MYO1F: variants seen among roughly 807,000 people sequenced by gnomAD.
The protein encoded by MYO1F is myosin IF, also known as unconventional myosin-If.
MYO1F carries 60 observed loss-of-function variants against 146.6 expected under a neutral mutation model. The observed-to-expected ratio is 0.41, with a 90% confidence interval of 0.33 to 0.51. The LOEUF is 0.51. Among genes scored for constraint, MYO1F ranks in the 20% least tolerant of loss-of-function variants. The pLI is 0.25. For missense variants in MYO1F, 1,274 were observed against 1,534.3 expected (o/e 0.83, Z 2.83); for synonymous variants, 602 against 602.1 (o/e 1.00, Z 0.00).
chr19:8,555,506 C>G, intron 2 of MYO1F, 153 bp downstream of exon 2: 1 of 1,051,408 alleles, frequency 9.5e-7, no homozygotes, highest in Non-Finnish European at 1.4e-6. Flanking sequence ...TGCCCCCAAC[C>G]AGAGCCCTGC....
intron 15 of MYO1F, among the ~76,000 whole-genome samples, chr19:8,541,554 G>A (rs1409420051): frequency 6.7e-6 from 1 of 150,266 alleles, no homozygotes; most frequent in East Asian, 2.0e-4. Context: ...TCCACCTCCT[G>A]AGTAGCTGGA....
At chr19:8,575,264 A>G (rs1283000145) in intron 1 of MYO1F, among the ~76,000 whole-genome samples, 3 of 150,662 alleles carry the variant, frequency 2.0e-5, no homozygotes, top group African/African-American at 7.3e-5. Context: ...TTTAGGAGAG[A>G]CGGGGTCTCA....
chr19:8,536,441 G>C, intron 18 of MYO1F, 45 bp from the exon 19 acceptor site: 3 of 1,608,678 alleles, frequency 1.9e-6, no homozygotes, highest in Non-Finnish European at 2.5e-6. Context: ...TAGCAGACAG[G>C]CCTGGCTGGG....
rs1973317013 is a variant in MYO1F, at chr19:8,545,680, CTTG to C, written c.1323_1325del (p.Asn441del). On this transcript the variant is annotated inframe_deletion, in exon 13 of 28. Coordinates refer to ENST00000644032, the MANE Select transcript of MYO1F (RefSeq NM_012335.4). ...TGTTTTCGATGAGGTCACAGACGACCTTGTTGTTGAAGTACTGGATTGGAGTCC... is the reference window on the plus strand; with the variant it reads ...TGTTTTCGATGAGGTCACAGACGACCTTGTTGAAGTACTGGATTGGAGTCC... The C allele has an allele frequency of 1.2e-6, 2 of 1,614,090 alleles. No individual in the cohort carries two copies. The highest frequency in any genetic ancestry group is 8.5e-7 in the Non-Finnish European group (1 of 1,180,002).
chr19:8,551,354 T>C, intron 8 of MYO1F: 6 of 147,258 alleles, frequency 4.1e-5, no homozygotes, highest in Non-Finnish European at 4.0e-5. Flanking sequence ...GCCTGGCCTT[T>C]TTTTTTTTTT....
chr19:8,526,224 G>A (rs1160847253), intron 24 of MYO1F, among the ~76,000 whole-genome samples: 1 of 152,234 alleles, frequency 6.6e-6, no homozygotes, highest in Non-Finnish European at 1.5e-5. Flanking sequence ...CTACTCGGGA[G>A]GCTGAGGCAA....
chr19:8,533,642 G>A (rs1485725817), intron 19 of MYO1F, among the ~76,000 whole-genome samples: 1 of 152,136 alleles, frequency 6.6e-6, no homozygotes, highest in Non-Finnish European at 1.5e-5. Flanking sequence ...ACAGGCGTGA[G>A]CCAGCACGCT....
rs1015529702 is a variant in MYO1F, at chr19:8,524,500, G to A, written c.2854+979C>T. 2.6e-4 allele frequency among the ~76,000 whole-genome samples: 39 copies of A among 150,344 alleles called. No individual in the cohort carries two copies. The Middle Eastern group carries it at 0.01, about 40-fold the overall frequency. On this transcript the variant is annotated intron_variant, in intron 25 of 27. Transcript: ENST00000644032. ...CTCAGGGGGCTGAGGCAGGAGAATC[G>A]CTTGAACCCAGGAGGTGGATGTTGC...
At chr19:8,550,764 G>A in intron 8 of MYO1F, 70 bp from the exon 9 acceptor site, 1 of 1,607,122 alleles carries the variant, frequency 6.2e-7, no homozygotes, top group Non-Finnish European at 8.5e-7. Context: ...GGGCAGGCTT[G>A]AGGGACCACA....
At chr19:8,553,524 T>C in intron 4 of MYO1F, 87 bp from the exon 5 acceptor site, 1 of 1,064,504 alleles carries the variant, frequency 9.4e-7, no homozygotes, top group East Asian at 2.4e-5. Context: ...GCACCTACTG[T>C]GTGCCTGCCA....
chr19:8,527,608 AG>A, intron 21 of MYO1F, 125 bp from the exon 22 acceptor site: 1 of 1,169,954 alleles, frequency 8.5e-7, no homozygotes, highest in Non-Finnish European at 1.2e-6. Flanking sequence ...CTCCAGGTGA[AG>A]GTGTATGAGT....
intron 2 of MYO1F, 68 bp downstream of exon 2, chr19:8,555,591 C>G (rs1973815024): frequency 6.2e-7 from 1 of 1,606,800 alleles, no homozygotes; most frequent in South Asian, 1.1e-5. Context: ...CTTCACCCTC[C>G]TCTCCGTCCA....
Position 8,530,207 on chromosome 19 carries a change from G to A in MYO1F, c.2317C>T (p.Arg773Cys), listed in dbSNP as rs1156708600. ...DFADSVTKYD[R>C]RFKPIKRDLI... ...CACTAGTGCCTCACCTTGAAGCGGC[G>A]GTCGTACTTGGTGACCGAATCGGCG... is the stretch of plus-strand genomic sequence containing the variant. Residue 773 changes from arginine to cysteine, a missense_variant, in exon 21 of 28, where the codon CGC becomes TGC. Coordinates refer to ENST00000644032, the MANE Select transcript of MYO1F (RefSeq NM_012335.4). The surrounding 1 kb of genome is among the most constrained non-coding windows in gnomAD (Gnocchi z 5.8). 7 of 1,614,026 alleles carry A rather than the reference G, an allele frequency of 4.3e-6. No homozygotes were observed. The highest frequency in any genetic ancestry group is 2.7e-5 in the African/African-American group (2 of 75,000).
At chr19:8,528,399 A>T (rs1291816582) in intron 21 of MYO1F, among the ~76,000 whole-genome samples, 9 of 149,214 alleles carry the variant, frequency 6.0e-5, no homozygotes, top group Admixed American at 6.0e-4. Context: ...GTGGTGGCAC[A>T]TGCCTGTAGT....
At chr19:8,566,476 C>CT (rs1026745820) in intron 1 of MYO1F, among the ~76,000 whole-genome samples, 55 of 145,908 alleles carry the variant, frequency 3.8e-4, no homozygotes, top group African/African-American at 1.3e-3. Flanking sequence ...CTGGTCTATG[C>CT]TTTTTAAAAA....
intron 19 of MYO1F, among the ~76,000 whole-genome samples, chr19:8,533,319 G>GCC (rs1972568734): frequency 2.1e-5 from 3 of 142,254 alleles, no homozygotes; most frequent in African/African-American, 7.9e-5. Context: ...GTGAGCCAGC[G>GCC]TGCCCAGCCT....
intron 1 of MYO1F, among the ~76,000 whole-genome samples, chr19:8,558,271 C>T (rs1973939341): frequency 1.3e-5 from 2 of 152,028 alleles, no homozygotes; most frequent in African/African-American, 4.8e-5. Flanking sequence ...TCAAGAGATC[C>T]TCCCACCTCA....
At chr19:8,535,309 T>G (rs186074494) in intron 19 of MYO1F, among the ~76,000 whole-genome samples, 6 of 152,332 alleles carry the variant, frequency 3.9e-5, no homozygotes, top group Admixed American at 3.9e-4. Context: ...ACTAAGCATC[T>G]GCCATCGTGA....
At chr19:8,546,219 C>T (rs1028400118) in intron 12 of MYO1F, among the ~76,000 whole-genome samples, 4 of 151,790 alleles carry the variant, frequency 2.6e-5, no homozygotes, top group Non-Finnish European at 5.9e-5. Context: ...TATGTGCCAC[C>T]ACGCCGGACT....
Sources: gnomAD v4.1 joint callset for allele counts (sites outside exome capture counted in the v4.1 genomes callset) on GRCh38, gnomAD v4.1.1 for gene constraint, Gnocchi (gnomAD v3.1) non-coding constraint, MANE v1.5 for transcripts, NCBI Gene and HGNC (gene_info 2026-07-23, HGNC 2026-07-21) for gene names.